The following NUBPL variants were observed in gnomAD, a reference collection of about 807,000 sequenced individuals.
NUBPL encodes the protein NUBP iron-sulfur cluster assembly factor, mitochondrial.
A neutral mutation model predicts 45.7 loss-of-function variants in NUBPL; 31 were observed. The observed-to-expected ratio is 0.68, with a 90% CI of 0.51 to 0.92. The LOEUF is 0.92. Ranked by LOEUF, NUBPL falls within the 40% of genes least tolerant of loss-of-function variation. NUBPL has a pLI of 0.00. For synonymous variants in NUBPL, 144 were observed against 140.9 expected, an observed-to-expected ratio of 1.02 and a Z score of -0.15; for missense variants, 401 against 398.7, an observed-to-expected ratio of 1.01 and a Z score of -0.05.
intron 7 of NUBPL, among the ~76,000 whole-genome samples, chr14:31,792,050 A>G (rs1215458092): frequency 6.6e-6 from 1 of 152,190 alleles, no homozygotes; most frequent in Non-Finnish European, 1.5e-5. Flanking sequence ...TAACACAATT[A>G]CAGTAGATCA....
chr14:31,808,755 G>T (rs2039741449), intron 7 of NUBPL, among the ~76,000 whole-genome samples: 1 of 152,122 alleles, frequency 6.6e-6, no homozygotes, highest in African/African-American at 2.4e-5. Flanking sequence ...CTGTGGGTTT[G>T]TCATAAATAG....
chr14:31,827,617 C>T (rs2040126849), intron 8 of NUBPL, among the ~76,000 whole-genome samples: 1 of 152,136 alleles, frequency 6.6e-6, no homozygotes, highest in Admixed American at 6.5e-5. Flanking sequence ...TTGCTTAATT[C>T]AAAGACAGAT....
intron 6 of NUBPL, among the ~76,000 whole-genome samples, chr14:31,674,981 A>C (rs2036658719): frequency 6.6e-6 from 1 of 152,020 alleles, no homozygotes; most frequent in South Asian, 2.1e-4. Flanking sequence ...CTAAAAATAC[A>C]AAAAAATTAG....
intron 6 of NUBPL, among the ~76,000 whole-genome samples, chr14:31,754,298 G>C (rs1172823699): frequency 2.6e-5 from 4 of 152,122 alleles, no homozygotes; most frequent in African/African-American, 9.7e-5. Flanking sequence ...CACACACAGA[G>C]AGAAAATAAT....
At chr14:31,849,097 G>GT (rs1397361446) in intron 9 of NUBPL, among the ~76,000 whole-genome samples, 1 of 152,132 alleles carries the variant, frequency 6.6e-6, no homozygotes, top group Non-Finnish European at 1.5e-5. Flanking sequence ...AGGACTTATA[G>GT]TTTAAGATCA....
intron 7 of NUBPL, among the ~76,000 whole-genome samples, chr14:31,815,341 G>A (rs969077987): frequency 2.0e-5 from 3 of 152,056 alleles, no homozygotes; most frequent in Admixed American, 6.6e-5. Context: ...CTTTTTGTCT[G>A]TTATTGGTAT....
At chr14:31,857,474 G>T (rs2040643160) in intron 10 of NUBPL, among the ~76,000 whole-genome samples, 2 of 152,164 alleles carry the variant, frequency 1.3e-5, no homozygotes, top group Admixed American at 6.5e-5. Context: ...CAGCAGGCTT[G>T]AATTTCTCCT....
At chr14:31,690,735 T>G (rs1339115462) in intron 6 of NUBPL, among the ~76,000 whole-genome samples, 1 of 152,100 alleles carries the variant, frequency 6.6e-6, no homozygotes, top group Admixed American at 6.6e-5. Context: ...TGAAAGAGAT[T>G]GTGGATATGG....
chr14:31,831,881 T>C (rs914779706), intron 8 of NUBPL, among the ~76,000 whole-genome samples: 1 of 152,154 alleles, frequency 6.6e-6, no homozygotes, highest in Non-Finnish European at 1.5e-5. Context: ...TTTAATCTGA[T>C]AGAGATGAAT....
chr14:31,647,595 A>G (rs547488897), intron 4 of NUBPL, among the ~76,000 whole-genome samples: 3 of 152,330 alleles, frequency 2.0e-5, no homozygotes, highest in Non-Finnish European at 4.4e-5. Flanking sequence ...GGTGCTGCTG[A>G]ACAGTCAGTC....
chr14:31,580,944 GT>G (rs1307231172), intron 3 of NUBPL, among the ~76,000 whole-genome samples: 7 of 152,276 alleles, frequency 4.6e-5, no homozygotes, highest in Non-Finnish European at 7.4e-5. Context: ...AGTGTAGTGG[GT>G]TTTTCACCAG....
chr14:31,616,308 T>A (rs1029013334), intron 4 of NUBPL, among the ~76,000 whole-genome samples: 79 of 151,888 alleles, frequency 5.2e-4, no homozygotes, highest in African/African-American at 1.9e-3. Flanking sequence ...CATTTATCAA[T>A]TTTGGCTTTT....
intron 4 of NUBPL, among the ~76,000 whole-genome samples, chr14:31,671,097 T>C (rs2036559958): frequency 6.6e-6 from 1 of 152,238 alleles, no homozygotes; most frequent in South Asian, 2.1e-4. Context: ...ATTCTTCCTA[T>C]CCATGTGCAT....
At position 31,659,788 on chromosome 14, in the gene NUBPL, A is replaced by G. The variant is rs548798910; in HGVS notation, c.383-13567A>G. ...AAAGCTGAAGTTCTCAATGTGATCT[A>G]CTTGAGCCAGATGATTTTCCTAATG... On this transcript the variant is annotated intron_variant, in intron 4 of 10. Coordinates refer to ENST00000281081, the MANE Select transcript of NUBPL (RefSeq NM_025152.3). 5.6e-4 allele frequency among the ~76,000 whole-genome samples: 85 copies of G among 152,330 alleles called. 1 individual carries two copies. The highest frequency in any genetic ancestry group is 1.8e-3 in the African/African-American group (76 of 41,572).
intron 6 of NUBPL, among the ~76,000 whole-genome samples, chr14:31,770,788 G>A (rs2038995304): frequency 6.6e-6 from 1 of 152,146 alleles, no homozygotes; most frequent in African/African-American, 2.4e-5. Flanking sequence ...GGAGGTTAAA[G>A]GCAAGATAGA....
intron 8 of NUBPL, among the ~76,000 whole-genome samples, chr14:31,832,101 A>G (rs1006796414): frequency 6.6e-6 from 1 of 152,172 alleles, no homozygotes; most frequent in Non-Finnish European, 1.5e-5. Flanking sequence ...ATAAATACAC[A>G]TATGTGTGTA....
At chr14:31,635,432 C>G (rs2035465487) in intron 4 of NUBPL, among the ~76,000 whole-genome samples, 1 of 151,932 alleles carries the variant, frequency 6.6e-6, no homozygotes, top group Non-Finnish European at 1.5e-5. Context: ...GGGCTCTGTT[C>G]TGTTCCATTG....
intron 6 of NUBPL, among the ~76,000 whole-genome samples, chr14:31,714,205 T>G (rs964942374): frequency 2.6e-5 from 4 of 152,226 alleles, no homozygotes; most frequent in Non-Finnish European, 5.9e-5. Context: ...TTGTTCTTCC[T>G]CTTTCTTTGT....
rs114233281 is a variant in NUBPL, at chr14:31,759,368, C to T, written c.514-28412C>T. 6.6e-3 allele frequency among the ~76,000 whole-genome samples: 994 copies of T among 151,720 alleles called. 12 individuals carry two copies. The highest frequency in any genetic ancestry group is 0.022 in the African/African-American group (931 of 41,378). On this transcript the variant is annotated intron_variant, in intron 6 of 10. Coordinates refer to ENST00000281081, the MANE Select transcript of NUBPL (RefSeq NM_025152.3). ...TAATGAGTCAGTTACATATATGCCG[C>T]ATATAGTCGTATCTTTTTTTCTAAT...
Sources: gnomAD v4.1 joint callset for allele counts (sites outside exome capture counted in the v4.1 genomes callset) on GRCh38, gnomAD v4.1.1 for gene constraint, MANE v1.5 for transcripts, NCBI Gene and HGNC (gene_info 2026-07-23, HGNC 2026-07-21) for gene names.